The following MSRA variants were observed in gnomAD, a reference collection of about 807,000 sequenced individuals.
MSRA encodes the protein methionine sulfoxide reductase A.
In MSRA, 54 loss-of-function variants were observed where a neutral mutation model predicts 31.3. That is an observed-to-expected ratio of 1.73 (90% CI 1.39 to 2.17). The LOEUF is 2.17. Among genes scored for constraint, MSRA ranks in the 30% most tolerant of loss-of-function variants. The pLI, the probability that MSRA is intolerant of heterozygous loss-of-function variation, is 0.00. For synonymous variants in MSRA, 169 were observed against 116.5 expected (o/e 1.45, Z -2.90); for missense variants, 507 against 300.9 (o/e 1.69, Z -5.07).
At chr8:10,260,124 C>T (rs1798395421) in intron 3 of MSRA, among the ~76,000 whole-genome samples, 1 of 152,212 alleles carries the variant, frequency 6.6e-6, no homozygotes, top group South Asian at 2.1e-4. Context: ...ATGATATGAT[C>T]TGTCAGAAGA....
chr8:10,171,101 G>T (rs1262913852), intron 1 of MSRA, among the ~76,000 whole-genome samples: 1 of 152,188 alleles, frequency 6.6e-6, no homozygotes, highest in Non-Finnish European at 1.5e-5. Context: ...TTGGCACATG[G>T]ATGGGAAGGC....
intron 1 of MSRA, among the ~76,000 whole-genome samples, chr8:10,070,151 G>A (rs559835496): frequency 5.3e-5 from 8 of 152,298 alleles, no homozygotes; most frequent in Non-Finnish European, 8.8e-5. Flanking sequence ...GAAAATAAGA[G>A]GATTAGGTAG....
intron 1 of MSRA, among the ~76,000 whole-genome samples, chr8:10,109,968 T>A (rs1800161914): frequency 6.6e-6 from 1 of 152,138 alleles, no homozygotes; most frequent in Non-Finnish European, 1.5e-5. Flanking sequence ...AGATTCGTCA[T>A]AATTAGCAAG....
intron 2 of MSRA, among the ~76,000 whole-genome samples, chr8:10,223,052 T>G (rs6992272): frequency 0.96 from 145,769 of 152,308 alleles, 69,962 homozygotes; most frequent in East Asian, 1. Flanking sequence ...TATATATCAA[T>G]ACATCACGTT....
At chr8:10,169,245 A>G (rs1331711455) in intron 1 of MSRA, among the ~76,000 whole-genome samples, 1 of 152,200 alleles carries the variant, frequency 6.6e-6, no homozygotes, top group East Asian at 1.9e-4. Flanking sequence ...ACAATAGGAA[A>G]ATTGGCCAAA....
intron 1 of MSRA, among the ~76,000 whole-genome samples, chr8:10,135,141 A>G (rs994214154): frequency 1.3e-5 from 2 of 152,226 alleles, no homozygotes; most frequent in East Asian, 1.9e-4. Flanking sequence ...CAGCATTTCT[A>G]TTTCACTCTT....
chr8:10,398,444 G>A (rs532951174), intron 5 of MSRA, among the ~76,000 whole-genome samples: 1 of 152,326 alleles, frequency 6.6e-6, no homozygotes, highest in South Asian at 2.1e-4. Context: ...CCTTCGTTGT[G>A]GAAGTCTGAG....
Position 10,155,291 on chromosome 8 carries a change from C to A in MSRA, c.143-52542C>A, listed in dbSNP as rs528115017. Among the ~76,000 whole-genome samples, 578 of 152,254 alleles carry A rather than the reference C, an allele frequency of 3.8e-3. 7 individuals are homozygous for A. The highest frequency in any genetic ancestry group is 0.013 in the African/African-American group (548 of 41,536). On this transcript the variant is annotated intron_variant, in intron 1 of 5. Coordinates refer to ENST00000317173, the MANE Select transcript of MSRA (RefSeq NM_012331.5). ...AGTGAATTGATGTGTTGGACACCAA[C>A]ATTTTCACTGTGGAAGGAGACATAA... is the stretch of plus-strand genomic sequence containing the variant.
At chr8:10,229,377 G>A (rs190811240) in intron 2 of MSRA, among the ~76,000 whole-genome samples, 1 of 152,310 alleles carries the variant, frequency 6.6e-6, no homozygotes, top group East Asian at 1.9e-4. Context: ...TGGAGAAACT[G>A]GCTCAGGAAT....
intron 1 of MSRA, among the ~76,000 whole-genome samples, chr8:10,207,549 G>T (rs1441647843): frequency 1.3e-5 from 2 of 152,170 alleles, no homozygotes; most frequent in African/African-American, 4.8e-5. Context: ...TGGGTGTCGG[G>T]AGCCTTCAGG....
chr8:10,385,571 G>T (rs1339337514), intron 5 of MSRA, among the ~76,000 whole-genome samples: 2 of 152,124 alleles, frequency 1.3e-5, no homozygotes, highest in East Asian at 3.9e-4. Context: ...CAGGTCTGTG[G>T]TCTTAAAAGA....
intron 2 of MSRA, among the ~76,000 whole-genome samples, chr8:10,222,471 G>C (rs1472782453): frequency 6.6e-6 from 1 of 152,092 alleles, no homozygotes; most frequent in Non-Finnish European, 1.5e-5. Flanking sequence ...TTTACAACAA[G>C]ACTATTATAT....
chr8:10,348,658 A>G (rs1317418180), intron 5 of MSRA, among the ~76,000 whole-genome samples: 1 of 152,096 alleles, frequency 6.6e-6, no homozygotes, highest in African/African-American at 2.4e-5. Context: ...GTGAGCCACC[A>G]TGCCTGGCCC....
At chr8:10,195,530 C>T (rs117886107) in intron 1 of MSRA, among the ~76,000 whole-genome samples, 2 of 152,246 alleles carry the variant, frequency 1.3e-5, no homozygotes, top group African/African-American at 2.4e-5. Context: ...TGTGAGCCAC[C>T]GTGCCTGGCC....
intron 1 of MSRA, among the ~76,000 whole-genome samples, chr8:10,159,200 A>C (rs1478289577): frequency 6.6e-6 from 1 of 152,196 alleles, no homozygotes; most frequent in African/African-American, 2.4e-5. Context: ...GATTGGTCAG[A>C]TGTGAGGATT....
chr8:10,293,914 T>C (rs1328023653), intron 3 of MSRA, among the ~76,000 whole-genome samples: 1 of 152,126 alleles, frequency 6.6e-6, no homozygotes, highest in Non-Finnish European at 1.5e-5. Context: ...ACACTAAGAA[T>C]CATCTTGGGC....
intron 1 of MSRA, among the ~76,000 whole-genome samples, chr8:10,166,368 G>A (rs1273467847): frequency 6.6e-6 from 1 of 152,164 alleles, no homozygotes; most frequent in Non-Finnish European, 1.5e-5. Flanking sequence ...CTGCATGCAC[G>A]TGTATGCATT....
intron 5 of MSRA, among the ~76,000 whole-genome samples, chr8:10,367,966 G>T (rs929288705): frequency 6.6e-6 from 1 of 152,194 alleles, no homozygotes; most frequent in African/African-American, 2.4e-5. Context: ...GGGACTTGTG[G>T]GTGAAGATGG....
intron 1 of MSRA, among the ~76,000 whole-genome samples, chr8:10,119,935 C>T (rs181205504): frequency 6.6e-6 from 1 of 152,234 alleles, no homozygotes; most frequent in South Asian, 2.1e-4. Flanking sequence ...TGAAGCTTTA[C>T]CATGCCTAGA....
Sources: allele counts gnomAD v4.1 joint callset (sites outside exome capture counted in the v4.1 genomes callset), GRCh38; gene constraint gnomAD v4.1.1; transcripts MANE v1.5; gene names NCBI Gene and HGNC (gene_info 2026-07-23, HGNC 2026-07-21).